The following CAB39L variants were observed in gnomAD, a reference collection of about 807,000 sequenced individuals.
The protein encoded by CAB39L is calcium-binding protein 39-like.
Under a neutral mutation model 39.1 loss-of-function variants are expected in CAB39L, and 23 were observed. That is an observed-to-expected ratio of 0.59 (90% confidence interval 0.42 to 0.83). The LOEUF is 0.83. Among genes scored for constraint, CAB39L ranks in the 40% least tolerant of loss-of-function variants. The pLI is 0.00. For synonymous variants in CAB39L, 126 were observed against 137.2 expected (o/e 0.92, Z 0.57); for missense variants, 366 against 391.9 (o/e 0.93, Z 0.56).
Position 49,382,877 on chromosome 13 carries a change from TG to T in CAB39L, c.33del (p.His11GlnfsTer8), listed in dbSNP as rs1566106208. 1 of 1,612,062 alleles carries T rather than the reference TG, an allele frequency of 6.2e-7. No homozygotes were observed. Among genetic ancestry groups the T allele is most frequent in the Non-Finnish European group, 8.5e-7 (1 of 1,178,950 alleles). ...ATTTTCACAATTTCTGCTGGATTTTTGTGTGATTTACTAAACAAAGGCATTT... is the reference window on the plus strand; with the variant it reads ...ATTTTCACAATTTCTGCTGGATTTTTTGTGATTTACTAAACAAAGGCATTT... Reference protein sequence around the residue: MKKMPLFSKSHKNPAEIVKIL... With the variant: MKKMPLFSKSXKNPAEIVKIL... On this transcript the variant is annotated frameshift_variant, in exon 4 of 11. Coordinates refer to ENST00000409308, the MANE Select transcript of CAB39L (RefSeq NM_001079670.3). LOFTEE classifies it high-confidence loss of function.
chr13:49,380,265 T>C (rs940682543), intron 4 of CAB39L, among the ~76,000 whole-genome samples: 1 of 152,222 alleles, frequency 6.6e-6, no homozygotes, highest in Non-Finnish European at 1.5e-5. Flanking sequence ...ATTTAAAGCA[T>C]TGTGTTAAGG....
intron 6 of CAB39L, among the ~76,000 whole-genome samples, chr13:49,351,771 G>C (rs145577265): frequency 4.5e-4 from 68 of 152,244 alleles, no homozygotes; most frequent in African/African-American, 1.4e-3. Flanking sequence ...GATACTGTTC[G>C]GAGGAAGAGT....
At chr13:49,346,104 T>TAG (rs1955158531) in intron 7 of CAB39L, among the ~76,000 whole-genome samples, 2 of 44,948 alleles carry the variant, frequency 4.4e-5, no homozygotes, top group Non-Finnish European at 9.4e-5. Flanking sequence ...ATGCTAGATA[T>TAG]ATATATATAT....
intron 3 of CAB39L, among the ~76,000 whole-genome samples, chr13:49,402,890 AT>A (rs1158095378): frequency 6.6e-6 from 1 of 152,080 alleles, no homozygotes; most frequent in East Asian, 1.9e-4. Flanking sequence ...TTAGAGTTTT[AT>A]TTCTCCTTTT....
At chr13:49,336,955 T>TC (rs1457381592) in intron 9 of CAB39L, among the ~76,000 whole-genome samples, 1 of 152,174 alleles carries the variant, frequency 6.6e-6, no homozygotes, top group Non-Finnish European at 1.5e-5. Flanking sequence ...GGGCTTTTTT[T>TC]CTAGATGGGT....
intron 3 of CAB39L, among the ~76,000 whole-genome samples, chr13:49,425,318 T>C (rs1041884429): frequency 6.6e-6 from 1 of 152,004 alleles, no homozygotes; most frequent in Non-Finnish European, 1.5e-5. Context: ...ATGCAATCAA[T>C]AAAACAAAAA....
chr13:49,370,664 C>A (rs1468537374), intron 5 of CAB39L, among the ~76,000 whole-genome samples: 3 of 152,088 alleles, frequency 2.0e-5, no homozygotes, highest in African/African-American at 7.2e-5. Flanking sequence ...GCAGACACAA[C>A]ACTTTATACA....
intron 6 of CAB39L, among the ~76,000 whole-genome samples, chr13:49,355,494 T>C (rs184397689): frequency 6.6e-6 from 1 of 152,264 alleles, no homozygotes; most frequent in Admixed American, 6.5e-5. Flanking sequence ...CTAAGAACCA[T>C]TTCTCTCTAA....
chr13:49,371,439 C>T (rs1955915417), intron 5 of CAB39L, among the ~76,000 whole-genome samples: 4 of 152,154 alleles, frequency 2.6e-5, no homozygotes, highest in African/African-American at 9.7e-5. Flanking sequence ...TCCCAAAATG[C>T]TGGGATTACA....
At chr13:49,427,671 A>T (rs989397732) in intron 3 of CAB39L, among the ~76,000 whole-genome samples, 12 of 152,222 alleles carry the variant, frequency 7.9e-5, no homozygotes, top group African/African-American at 2.9e-4. Flanking sequence ...CCTGGGCAAC[A>T]GAGCAAGACC....
chr13:49,389,003 C>T (rs145945369), intron 3 of CAB39L, among the ~76,000 whole-genome samples: 2 of 152,208 alleles, frequency 1.3e-5, no homozygotes, highest in Non-Finnish European at 2.9e-5. Flanking sequence ...ATTCCCTGTC[C>T]TGGATGCAGC....
chr13:49,389,153 G>A (rs893290807), intron 3 of CAB39L, among the ~76,000 whole-genome samples: 2 of 152,092 alleles, frequency 1.3e-5, no homozygotes, highest in Non-Finnish European at 2.9e-5. Flanking sequence ...TATAAGAAAC[G>A]GTGTGGATGA....
chr13:49,407,919 T>C (rs1388605736), intron 3 of CAB39L, among the ~76,000 whole-genome samples: 1 of 145,240 alleles, frequency 6.9e-6, no homozygotes, highest in Admixed American at 6.9e-5. Flanking sequence ...GCAAATGCTA[T>C]GTGAATGATA....
At chr13:49,359,594 A>G (rs1488315461) in intron 6 of CAB39L, 120 bp downstream of exon 6, 1 of 578,744 alleles carries the variant, frequency 1.7e-6, no homozygotes, top group Admixed American at 2.9e-5. Flanking sequence ...CTCACACATG[A>G]CAAATACCTT....
intron 4 of CAB39L, among the ~76,000 whole-genome samples, chr13:49,378,573 T>G (rs1956161960): frequency 1.5e-5 from 1 of 65,332 alleles, no homozygotes; most frequent in Non-Finnish European, 3.0e-5. Flanking sequence ...AGCCGCCCCG[T>G]CCGGGAGGGA....
intron 3 of CAB39L, among the ~76,000 whole-genome samples, chr13:49,390,049 T>G (rs888114657): frequency 6.6e-6 from 1 of 152,134 alleles, no homozygotes; most frequent in African/African-American, 2.4e-5. Context: ...CTCGAACTCC[T>G]GGCTAATTTT....
At chr13:49,312,688 T>C (rs1283308395) in intron 10 of CAB39L, among the ~76,000 whole-genome samples, 2 of 152,234 alleles carry the variant, frequency 1.3e-5, no homozygotes, top group African/African-American at 4.8e-5. Context: ...TCACCTTTCC[T>C]ATCACTCTCC....
intron 3 of CAB39L, among the ~76,000 whole-genome samples, chr13:49,392,679 A>G (rs1168676203): frequency 6.6e-6 from 1 of 151,976 alleles, no homozygotes; most frequent in African/African-American, 2.4e-5. Flanking sequence ...AAAACAGAGG[A>G]GTCTGGTAGG....
intron 10 of CAB39L, among the ~76,000 whole-genome samples, chr13:49,328,819 A>G (rs919110221): frequency 3.5e-4 from 54 of 152,156 alleles, no homozygotes; most frequent in African/African-American, 1.2e-3. Flanking sequence ...TGGGCAACAT[A>G]GTGAGACCCT....
Sources: allele counts gnomAD v4.1 joint callset (sites outside exome capture counted in the v4.1 genomes callset), GRCh38; gene constraint gnomAD v4.1.1; transcripts MANE v1.5; gene names NCBI Gene and HGNC (gene_info 2026-07-23, HGNC 2026-07-21).